Variants in PRKAA2 observed in about 807,000 individuals in gnomAD.
PRKAA2 encodes protein kinase AMP-activated catalytic subunit alpha 2.
Under a neutral mutation model 56.3 loss-of-function variants are expected in PRKAA2, and 40 were observed. That is an observed-to-expected ratio of 0.71 (90% CI 0.55 to 0.92). The LOEUF (loss-of-function observed/expected upper bound fraction) is 0.92. Among genes scored for constraint, PRKAA2 ranks in the 40% least tolerant of loss-of-function variants. PRKAA2 has a pLI of 0.00. For missense variants in PRKAA2, 542 were observed against 686.9 expected (o/e 0.79, Z 2.36); for synonymous variants, 214 against 234.2 (o/e 0.91, Z 0.79).
At chr1:56,676,541 C>T (rs1013325424) in intron 2 of PRKAA2, among the ~76,000 whole-genome samples, 27 of 152,128 alleles carry the variant, frequency 1.8e-4, no homozygotes, top group Non-Finnish European at 3.7e-4. Context: ...CCCACTGAGA[C>T]ATATGTCAAG....
intron 2 of PRKAA2, among the ~76,000 whole-genome samples, chr1:56,689,368 T>A (rs1644212170): frequency 6.6e-6 from 1 of 152,222 alleles, no homozygotes; most frequent in Non-Finnish European, 1.5e-5. Context: ...GTTTATTTTA[T>A]ATAAATTAGA....
rs184042043 is a variant in PRKAA2, at chr1:56,682,178, G to T, written c.236+7656G>T. Among the ~76,000 whole-genome samples the T allele has an allele frequency of 1.2e-4, 19 of 152,190 alleles. No homozygotes were observed. In the East Asian group the frequency reaches 3.7e-3, roughly 29 times the overall value. ...GTTGGGTGCTGTTCTAGGCATAGGG[G>T]ATATAATCATGAAGGACAGAGTCTC... On this transcript the variant is annotated intron_variant, in intron 2 of 8. Transcript: ENST00000371244.
At chr1:56,678,905 A>C (rs1373903797) in intron 2 of PRKAA2, among the ~76,000 whole-genome samples, 1 of 152,194 alleles carries the variant, frequency 6.6e-6, no homozygotes, top group Non-Finnish European at 1.5e-5. Flanking sequence ...CATGTTGGCC[A>C]GGATGGCCTT....
intron 7 of PRKAA2, among the ~76,000 whole-genome samples, chr1:56,705,399 T>TTTG (rs10624434): frequency 0.44 from 66,846 of 151,320 alleles, 15,373 homozygotes; most frequent in East Asian, 0.59. Context: ...TTGTTTATTT[T>TTTG]TTGTTGTTGT....
At chr1:56,706,654 G>C (rs1395030713) in intron 8 of PRKAA2, among the ~76,000 whole-genome samples, 3 of 152,194 alleles carry the variant, frequency 2.0e-5, no homozygotes, top group Non-Finnish European at 4.4e-5. Context: ...ATTTGGGTTG[G>C]ATTTAGGTAC....
chr1:56,664,588 G>T (rs1244814170), intron 1 of PRKAA2, among the ~76,000 whole-genome samples: 1 of 151,934 alleles, frequency 6.6e-6, no homozygotes, highest in Non-Finnish European at 1.5e-5. Flanking sequence ...ATTTTTAACA[G>T]TAGCAATAGG....
intron 1 of PRKAA2, among the ~76,000 whole-genome samples, chr1:56,668,719 T>C (rs1407190803): frequency 6.6e-6 from 1 of 152,196 alleles, no homozygotes; most frequent in African/African-American, 2.4e-5. Context: ...TGAATTACTA[T>C]GGGATGATGT....
At position 56,692,473 on chromosome 1, in the gene PRKAA2, C is replaced by T. The variant is rs1328701024; in HGVS notation, c.446C>T (p.Ala149Val). 1 of 1,613,914 alleles carries T rather than the reference C, an allele frequency of 6.2e-7. No homozygotes were observed. The highest frequency in any genetic ancestry group is 2.2e-5 in the East Asian group (1 of 44,870). ...DLKPENVLLD[A>V]HMNAKIADFG... ...AAACCAGAGAATGTCCTGTTGGATG[C>T]ACACATGAATGCCAAGATAGCCGAT... Residue 149 changes from alanine to valine, a missense_variant, in exon 4 of 9, where the codon GCA becomes GTA. Physicochemically the swap from Ala to Val is moderately conservative, Grantham distance 64. Transcript: ENST00000371244.
intron 1 of PRKAA2, among the ~76,000 whole-genome samples, chr1:56,658,732 C>T (rs968659168): frequency 4.6e-5 from 7 of 151,630 alleles, no homozygotes; most frequent in Middle Eastern, 3.2e-3. Context: ...CGTGATCCTC[C>T]TGCCTTCTTT....
intron 2 of PRKAA2, among the ~76,000 whole-genome samples, chr1:56,683,071 A>ATT (rs10606990): frequency 3.3e-4 from 29 of 87,218 alleles, no homozygotes; most frequent in African/African-American, 1.0e-3. Context: ...AAAGAAAGGA[A>ATT]TTTTTTTTTT....
At chr1:56,695,545 A>G (rs1644253923) in intron 5 of PRKAA2, among the ~76,000 whole-genome samples, 2 of 152,132 alleles carry the variant, frequency 1.3e-5, no homozygotes, top group Non-Finnish European at 1.5e-5. Context: ...TGTATACATT[A>G]TATATATGTT....
Position 56,713,477 on chromosome 1 carries a change from T to G in PRKAA2, c.*5764T>G, listed in dbSNP as rs1439323434. 1 of 152,066 alleles carries G rather than the reference T, an allele frequency of 6.6e-6. No individual in the cohort carries two copies. The highest frequency in any genetic ancestry group is 1.9e-4 in the East Asian group (1 of 5,198). The allele number at this position is 152,066 out of a possible 1,614,324, so 9.4% of individuals were successfully genotyped here. A position where few individuals can be genotyped will look rare whatever the true frequency, so the allele number is the denominator to read the frequency against. ...GTTTGGACAAGCAGGGTAGGTAAAT[T>G]TCAATTACGTTTGAAGTGTAATTAA... is the stretch of plus-strand genomic sequence containing the variant. On this transcript the variant is annotated 3_prime_UTR_variant, in exon 9 of 9. Transcript: ENST00000371244.
chr1:56,659,205 A>G (rs1643973145), intron 1 of PRKAA2, among the ~76,000 whole-genome samples: 1 of 151,354 alleles, frequency 6.6e-6, no homozygotes, highest in Non-Finnish European at 1.5e-5. Context: ...TTAAAGAAGT[A>G]TTTTATTGGC....
chr1:56,645,484 T>G lies in PRKAA2; in HGVS notation c.94+3T>G. On this transcript the variant is annotated splice_donor_region_variant and intron_variant, in intron 1 of 8. Coordinates refer to ENST00000371244, the MANE Select transcript of PRKAA2 (RefSeq NM_006252.4). Reference sequence around the variant, plus strand: ...CGGCACCTTCGGCAAAGTGAAGAGTTGAGTACGCGCTCCGGACCGCTGTGC... The same window carrying G: ...CGGCACCTTCGGCAAAGTGAAGAGTGGAGTACGCGCTCCGGACCGCTGTGC... The G allele has an allele frequency of 6.7e-7, 1 of 1,484,028 alleles. No homozygotes were observed. The highest frequency in any genetic ancestry group is 9.0e-7 in the Non-Finnish European group (1 of 1,109,610). 91.9% of individuals were successfully genotyped at this position (1,484,028 alleles called of 1,614,324 possible).
chr1:56,676,158 G>A (rs959563470), intron 2 of PRKAA2, among the ~76,000 whole-genome samples: 5 of 152,142 alleles, frequency 3.3e-5, no homozygotes, highest in African/African-American at 1.2e-4. Flanking sequence ...TGCCCCCCAT[G>A]TCTATTTCCT....
At chr1:56,696,307 C>A in intron 6 of PRKAA2, 148 bp downstream of exon 6, 1 of 672,632 alleles carries the variant, frequency 1.5e-6, no homozygotes, top group Non-Finnish European at 2.5e-6. Flanking sequence ...CCTTGTTTCT[C>A]AAACCTAACA....
intron 2 of PRKAA2, among the ~76,000 whole-genome samples, chr1:56,684,727 A>G (rs1308849642): frequency 6.6e-6 from 1 of 152,148 alleles, no homozygotes; most frequent in Non-Finnish European, 1.5e-5. Context: ...GAACCAATTT[A>G]TTGGAATGAT....
Position 56,704,120 on chromosome 1 carries a change from G to A in PRKAA2, c.938G>A (p.Ser313Asn). The A allele has an allele frequency of 1.2e-6, 2 of 1,614,174 alleles. No homozygotes were observed. The highest frequency in any genetic ancestry group is 1.7e-6 in the Non-Finnish European group (2 of 1,180,024). ...TESEVMNSLY[S>N]GDPQDQLAVA... ...TCAGAAGTAATGAACAGTTTATATA[G>A]TGGTGACCCTCAAGACCAGCTTGCA... Residue 313 changes from serine to asparagine, a missense_variant, in exon 7 of 9, where the codon AGT (serine) becomes AAT (asparagine). Physicochemically the swap from Ser to Asn is conservative, Grantham distance 46. Coordinates refer to ENST00000371244, the MANE Select transcript of PRKAA2 (RefSeq NM_006252.4).
chr1:56,659,869 C>G (rs556258562), intron 1 of PRKAA2, among the ~76,000 whole-genome samples: 1 of 152,170 alleles, frequency 6.6e-6, no homozygotes, highest in Admixed American at 6.5e-5. Context: ...GAGCGTCCTA[C>G]TGCACTCCAG....
Sources: allele counts gnomAD v4.1 joint callset (sites outside exome capture counted in the v4.1 genomes callset), GRCh38; gene constraint gnomAD v4.1.1; transcripts MANE v1.5; gene names NCBI Gene and HGNC (gene_info 2026-07-23, HGNC 2026-07-21).